Variants in LTBP1 observed in about 807,000 individuals in gnomAD.
LTBP1 encodes latent transforming growth factor beta binding protein 1, also known as latent-transforming growth factor beta-binding protein 1.
A neutral mutation model predicts 207.6 loss-of-function variants in LTBP1; 129 were observed. That is an observed-to-expected ratio of 0.62 (90% confidence interval 0.54 to 0.72). LTBP1 has a LOEUF of 0.72. LTBP1 is among the 30% of genes least tolerant of loss of function. LTBP1 has a pLI of 0.00. For missense variants in LTBP1, 2,281 were observed against 2,217.2 expected (o/e 1.03, Z -0.58); for synonymous variants, 963 against 833.7 (o/e 1.16, Z -2.67).
chr2:33,103,617 G>A (rs1281968535), intron 3 of LTBP1, among the ~76,000 whole-genome samples: 3 of 141,744 alleles, frequency 2.1e-5, no homozygotes, highest in African/African-American at 7.5e-5. Context: ...GTGTGTGTGT[G>A]TGTGTGTGTG....
Position 33,376,576 on chromosome 2 carries a change from G to A in LTBP1, c.4711+11073G>A, listed in dbSNP as rs942701035. Among the ~76,000 whole-genome samples, 16 of 152,334 alleles carry A rather than the reference G, an allele frequency of 1.1e-4. 1 individual carries two copies. Among genetic ancestry groups the A allele is most frequent in the African/African-American group, 3.6e-4 (15 of 41,578 alleles). ...GGATGCGGAGCACCTTCTTGCTTCC[G>A]TGCTAACGGGATCCCAGGTGTTTCT... is the stretch of plus-strand genomic sequence containing the variant. On this transcript the variant is annotated intron_variant, in intron 31 of 33. Transcript: ENST00000404816.
At chr2:33,291,684 C>A (rs902940141) in intron 19 of LTBP1, 5 of 152,240 alleles carry the variant, frequency 3.3e-5, no homozygotes, top group African/African-American at 9.6e-5. Context: ...TAGGCAGTGC[C>A]ATTTCCTTGG....
At chr2:33,077,979 C>CAT (rs2078176858) in intron 3 of LTBP1, among the ~76,000 whole-genome samples, 2 of 152,004 alleles carry the variant, frequency 1.3e-5, no homozygotes, top group Non-Finnish European at 2.9e-5. Flanking sequence ...TGAACTCACC[C>CAT]TTGTAGATTT....
At chr2:33,009,859 G>C (rs944447510) in intron 2 of LTBP1, among the ~76,000 whole-genome samples, 1 of 152,194 alleles carries the variant, frequency 6.6e-6, no homozygotes, top group African/African-American at 2.4e-5. Flanking sequence ...AAGCCTGTTA[G>C]ATACCCACAT....
At chr2:33,086,932 G>C (rs1446118358) in intron 3 of LTBP1, among the ~76,000 whole-genome samples, 2 of 151,472 alleles carry the variant, frequency 1.3e-5, no homozygotes, top group South Asian at 4.2e-4. Context: ...GTGGATATTT[G>C]CATTGTGTTT....
At chr2:33,383,324 T>C (rs879334828) in intron 31 of LTBP1, among the ~76,000 whole-genome samples, 2 of 152,148 alleles carry the variant, frequency 1.3e-5, no homozygotes, top group African/African-American at 2.4e-5. Context: ...CTGCACTCCA[T>C]CCTGGGTGAC....
intron 5 of LTBP1, among the ~76,000 whole-genome samples, chr2:33,150,797 C>G (rs534780786): frequency 2.3e-5 from 3 of 128,622 alleles, no homozygotes; most frequent in African/African-American, 9.0e-5. Context: ...ACCTGGGAGG[C>G]GGAGGTTGGC....
chr2:33,007,902 A>G (rs549844999), intron 2 of LTBP1, among the ~76,000 whole-genome samples: 1 of 152,222 alleles, frequency 6.6e-6, no homozygotes, highest in East Asian at 1.9e-4. Flanking sequence ...ATGTAAAAAG[A>G]TAATAGAAAC....
chr2:33,162,404 A>T (rs936658936), intron 5 of LTBP1, among the ~76,000 whole-genome samples: 14 of 152,166 alleles, frequency 9.2e-5, no homozygotes, highest in Non-Finnish European at 2.9e-5. Flanking sequence ...AATCCTCTCA[A>T]TCTCTGGGCA....
At chr2:33,259,684 T>G in intron 13 of LTBP1, 74 bp downstream of exon 13, 2 of 1,398,708 alleles carry the variant, frequency 1.4e-6, no homozygotes, top group Non-Finnish European at 2.0e-6. Context: ...ATGTATGGAT[T>G]TTTTAGACTT....
intron 7 of LTBP1, among the ~76,000 whole-genome samples, chr2:33,200,780 GA>G (rs984189115): frequency 1.7e-4 from 26 of 151,786 alleles, no homozygotes; most frequent in Non-Finnish European, 2.9e-4. Context: ...AAATTTACAA[GA>G]AAAAAACAAA....
intron 3 of LTBP1, among the ~76,000 whole-genome samples, chr2:33,022,961 A>G (rs186263054): frequency 3.9e-5 from 6 of 152,306 alleles, no homozygotes; most frequent in Admixed American, 3.9e-4. Context: ...GCCATAGGAA[A>G]GCAGGCTGTG....
intron 2 of LTBP1, among the ~76,000 whole-genome samples, chr2:32,981,332 G>C (rs1233390384): frequency 6.6e-6 from 1 of 152,068 alleles, no homozygotes; most frequent in African/African-American, 2.4e-5. Context: ...GTTGTACTTG[G>C]TATTGGTTCC....
intron 3 of LTBP1, among the ~76,000 whole-genome samples, chr2:33,074,312 A>G (rs1242937818): frequency 1.3e-5 from 2 of 152,216 alleles, no homozygotes; most frequent in Non-Finnish European, 2.9e-5. Context: ...TTTTCTTCTC[A>G]TCAGTCTCCC....
intron 26 of LTBP1, among the ~76,000 whole-genome samples, chr2:33,359,979 G>A (rs2094908460): frequency 6.6e-6 from 1 of 152,172 alleles, no homozygotes; most frequent in African/African-American, 2.4e-5. Context: ...GCTGGGACTA[G>A]AACCCAGATT....
intron 5 of LTBP1, among the ~76,000 whole-genome samples, chr2:33,178,554 C>A (rs1179451287): frequency 1.3e-5 from 2 of 152,106 alleles, no homozygotes; most frequent in Non-Finnish European, 2.9e-5. Flanking sequence ...TTGTTGTTTG[C>A]ATTGAGGTTG....
chr2:33,308,750 C>G (rs1173884443), intron 22 of LTBP1, among the ~76,000 whole-genome samples: 6 of 151,950 alleles, frequency 3.9e-5, no homozygotes, highest in African/African-American at 1.5e-4. Flanking sequence ...TAGTTTGTTT[C>G]TTTGAACAAA....
intron 7 of LTBP1, among the ~76,000 whole-genome samples, chr2:33,195,794 G>A (rs1415460569): frequency 6.6e-6 from 1 of 152,144 alleles, no homozygotes; most frequent in African/African-American, 2.4e-5. Context: ...TTACTACAGA[G>A]AAATATTTAG....
At chr2:33,095,022 C>T (rs1176308001) in intron 3 of LTBP1, among the ~76,000 whole-genome samples, 2 of 152,108 alleles carry the variant, frequency 1.3e-5, no homozygotes, top group South Asian at 4.1e-4. Context: ...AAACTAAGAA[C>T]TTTACTGCCC....
Sources: allele counts gnomAD v4.1 joint callset (sites outside exome capture counted in the v4.1 genomes callset), GRCh38; gene constraint gnomAD v4.1.1; transcripts MANE v1.5; gene names NCBI Gene and HGNC (gene_info 2026-07-23, HGNC 2026-07-21).